CCNB1IP1: variants seen among roughly 807,000 people sequenced by gnomAD.
The protein encoded by CCNB1IP1 is E3 ubiquitin-protein ligase CCNB1IP1.
Under a neutral mutation model 25.6 loss-of-function variants are expected in CCNB1IP1, and 14 were observed. The observed-to-expected ratio is 0.55, with a 90% CI of 0.36 to 0.85. The LOEUF is 0.85. Ranked by LOEUF, CCNB1IP1 falls within the 40% of genes least tolerant of loss-of-function variation. The pLI is 0.01. For synonymous variants in CCNB1IP1, 119 were observed against 116.1 expected (o/e 1.02, Z -0.16); for missense variants, 278 against 342.4 (o/e 0.81, Z 1.48).
chr14:20,314,416 C>T (rs1882609134), intron 5 of CCNB1IP1: 1 of 152,108 alleles, frequency 6.6e-6, no homozygotes, highest in Non-Finnish European at 1.5e-5. Context: ...AATTGAGGAC[C>T]CAATGAATCT....
intron 2 of CCNB1IP1, among the ~76,000 whole-genome samples, chr14:20,328,381 G>A (rs764220828): frequency 5.9e-5 from 9 of 152,142 alleles, no homozygotes; most frequent in Non-Finnish European, 1.0e-4. Flanking sequence ...AAATATCTCA[G>A]ACAGATATGA....
At chr14:20,317,360 C>A (rs901786876) in intron 4 of CCNB1IP1, among the ~76,000 whole-genome samples, 2 of 151,958 alleles carry the variant, frequency 1.3e-5, no homozygotes, top group African/African-American at 2.4e-5. Flanking sequence ...GAGCCGGGAT[C>A]GCGCCATTGC....
At chr14:20,330,182 C>T (rs976172754) in intron 1 of CCNB1IP1, among the ~76,000 whole-genome samples, 11 of 150,756 alleles carry the variant, frequency 7.3e-5, no homozygotes, top group African/African-American at 9.8e-5. Flanking sequence ...TTATCCTAAA[C>T]GAATTTATGC....
rs922235519 is a variant in CCNB1IP1, at chr14:20,313,537, T to C, written c.562A>G (p.Ile188Val). The part of the protein sequence containing the change: ...YDSLRLRNIT[I>V]ANHEGTLEPS... ...TCAAGGGTGCCTTCATGGTTAGCAA[T>C]AGTGATGTTTCGTAGCCTAAGGCTA... The change falls in exon 6 of 7, where the codon ATT (isoleucine) becomes GTT (valine). Residue 188 changes from isoleucine (I) to valine (V), a missense_variant. Coordinates refer to ENST00000358932, the MANE Select transcript of CCNB1IP1 (RefSeq NM_021178.5). The C allele has an allele frequency of 1.2e-6, 2 of 1,614,046 alleles. No individual in the cohort carries two copies. The highest frequency in any genetic ancestry group is 1.7e-5 in the Admixed American group (1 of 60,000).
chr14:20,320,415 G>C (rs991582801), intron 4 of CCNB1IP1: 22 of 441,010 alleles, frequency 5.0e-5, no homozygotes, highest in Admixed American at 2.0e-4. Context: ...TACCATGCAA[G>C]GGATACAATA....
At chr14:20,316,642 T>C in intron 4 of CCNB1IP1, 82 bp from the exon 5 acceptor site, 1 of 705,554 alleles carries the variant, frequency 1.4e-6, no homozygotes, top group South Asian at 2.0e-5. Context: ...CATGCACGTT[T>C]TTATCATAAA....
intron 4 of CCNB1IP1, among the ~76,000 whole-genome samples, chr14:20,324,410 CT>C (rs1266436068): frequency 6.6e-6 from 1 of 152,164 alleles, no homozygotes; most frequent in Non-Finnish European, 1.5e-5. Context: ...TGGTCTTGAA[CT>C]CCTGACCTTA....
In CCNB1IP1 at chr14:20,329,386, G is replaced by A. The variant is rs577885271; in HGVS notation, c.-430-13C>T. The stretch of plus-strand genomic sequence containing the variant: ...TTTCATCTTCAACCTGAAACAAAAT[G>A]AACACACAAAATTTTGTTCATAGGA... On this transcript the variant is annotated splice_polypyrimidine_tract_variant and intron_variant, in intron 1 of 6. Coordinates refer to ENST00000358932, the MANE Select transcript of CCNB1IP1 (RefSeq NM_021178.5). 2 of 152,258 alleles carry A rather than the reference G, an allele frequency of 1.3e-5. No homozygotes were observed. The highest frequency in any genetic ancestry group is 3.9e-4 in the East Asian group (2 of 5,178). 9.4% of individuals were successfully genotyped at this position (152,258 alleles called of 1,614,324 possible).
At chr14:20,331,982 T>A (rs1594286498) in intron 1 of CCNB1IP1, among the ~76,000 whole-genome samples, 2 of 137,488 alleles carry the variant, frequency 1.5e-5, no homozygotes, top group East Asian at 2.0e-4. Context: ...TATTCAAAAA[T>A]ATATATATAT....
intron 4 of CCNB1IP1, among the ~76,000 whole-genome samples, chr14:20,320,669 G>A (rs1882862032): frequency 6.6e-6 from 1 of 151,690 alleles, no homozygotes; most frequent in East Asian, 1.9e-4. Flanking sequence ...GCTGGATGTG[G>A]TGGCAGGCAC....
At chr14:20,328,468 C>A (rs1883142327) in intron 2 of CCNB1IP1, among the ~76,000 whole-genome samples, 1 of 152,104 alleles carries the variant, frequency 6.6e-6, no homozygotes, top group Non-Finnish European at 1.5e-5. Flanking sequence ...CAGCAGGATG[C>A]AAGGTTAACT....
At position 20,316,560 on chromosome 14, in the gene CCNB1IP1, C is replaced by T; in HGVS notation, c.-37G>A. ...GAGGTCTCCAGAAGCTGAAGAGAGG[C>T]CTAAGAAGGGGTAAATAAAAAGGCC... On this transcript the variant is annotated splice_region_variant and 5_prime_UTR_variant, in exon 5 of 7. Coordinates refer to ENST00000358932, the MANE Select transcript of CCNB1IP1 (RefSeq NM_021178.5). 1 of 1,548,044 alleles carries T rather than the reference C, an allele frequency of 6.5e-7. No homozygotes were observed. The highest frequency in any genetic ancestry group is 8.8e-7 in the Non-Finnish European group (1 of 1,139,352).
chr14:20,311,850 T>G (rs1477398354), intron 6 of CCNB1IP1, 98 bp from the exon 7 acceptor site: 5 of 625,188 alleles, frequency 8.0e-6, no homozygotes, highest in Non-Finnish European at 9.9e-6. Flanking sequence ...GAATATATAT[T>G]TTTTCTCCAA....
intron 4 of CCNB1IP1, among the ~76,000 whole-genome samples, chr14:20,322,912 C>T (rs1003422264): frequency 2.6e-5 from 4 of 152,020 alleles, no homozygotes; most frequent in African/African-American, 9.7e-5. Context: ...TGTGAGCCAC[C>T]GCACCCAGCC....
At chr14:20,312,093 C>T (rs557961927) in intron 6 of CCNB1IP1, among the ~76,000 whole-genome samples, 72 of 151,988 alleles carry the variant, frequency 4.7e-4, no homozygotes, top group African/African-American at 1.5e-3. Flanking sequence ...TTTAAAGGAC[C>T]AAATAACTAA....
chr14:20,326,594 T>C, intron 3 of CCNB1IP1, 122 bp downstream of exon 3: 1 of 499,160 alleles, frequency 2.0e-6, no homozygotes, highest in Non-Finnish European at 4.1e-6. Context: ...TCTCCTAAGG[T>C]TAGAACTGGG....
At chr14:20,332,390 G>A (rs150244245) in intron 1 of CCNB1IP1, among the ~76,000 whole-genome samples, 4 of 106,620 alleles carry the variant, frequency 3.8e-5, no homozygotes, top group Non-Finnish European at 7.3e-5. Context: ...GACATTGAAG[G>A]TCACTAAGCA....
At chr14:20,324,243 G>GT (rs1363659526) in intron 4 of CCNB1IP1, among the ~76,000 whole-genome samples, 1 of 152,190 alleles carries the variant, frequency 6.6e-6, no homozygotes, top group Non-Finnish European at 1.5e-5. Flanking sequence ...CTGGAGTGCA[G>GT]TGGTGCGATC....
At chr14:20,316,181 A>G (rs540945450) in intron 5 of CCNB1IP1, 46 bp downstream of exon 5, 4 of 1,538,426 alleles carry the variant, frequency 2.6e-6, no homozygotes, top group Admixed American at 1.9e-5. Context: ...AGTTCCCACA[A>G]ATGCCATAAA....
Sources: allele counts gnomAD v4.1 joint callset (sites outside exome capture counted in the v4.1 genomes callset), GRCh38; gene constraint gnomAD v4.1.1; transcripts MANE v1.5; gene names NCBI Gene and HGNC (gene_info 2026-07-23, HGNC 2026-07-21).